The following LINGO2 variants were observed in gnomAD, a reference collection of about 807,000 sequenced individuals.
LINGO2 encodes leucine rich repeat and Ig domain containing 2.
In LINGO2, 14 loss-of-function variants were observed where a neutral mutation model predicts 30.6. The ratio of observed to expected loss-of-function variants is 0.46; its 90% CI spans 0.30 to 0.72. The LOEUF is 0.72. Ranked by LOEUF, LINGO2 falls within the 30% of genes least tolerant of loss-of-function variation. The pLI is 0.07. For missense variants in LINGO2, 729 were observed against 751.7 expected, an observed-to-expected ratio of 0.97 and a Z score of 0.35; for synonymous variants, 317 against 288.5, an observed-to-expected ratio of 1.10 and a Z score of -1.00.
chr9:28,306,760 C>A (rs533923947), intron 3 of LINGO2, among the ~76,000 whole-genome samples: 2 of 152,072 alleles, frequency 1.3e-5, no homozygotes, highest in African/African-American at 4.8e-5. Context: ...ACCACTGATC[C>A]CACAGAAATA....
At chr9:28,722,353 A>G in the LINGO2 span, among the ~76,000 whole-genome samples, 1 of 152,062 alleles carries the variant, frequency 6.6e-6, no homozygotes, top group African/African-American at 2.4e-5. Context: ...CCTGAGAAGG[A>G]CTTTCAACTA....
At chr9:28,545,300 G>T (rs938647748) in intron 1 of LINGO2, among the ~76,000 whole-genome samples, 4 of 152,034 alleles carry the variant, frequency 2.6e-5, no homozygotes, top group African/African-American at 9.7e-5. Flanking sequence ...CCAGTCAGGA[G>T]ACCTAAATAT....
At chr9:29,003,964 A>C in the LINGO2 span, among the ~76,000 whole-genome samples, 87 of 152,114 alleles carry the variant, frequency 5.7e-4, no homozygotes, top group African/African-American at 2.0e-3. Context: ...CAAAATCTAA[A>C]TTGACTCTAT....
At chr9:28,239,203 C>G (rs1821688923) in intron 4 of LINGO2, among the ~76,000 whole-genome samples, 1 of 151,918 alleles carries the variant, frequency 6.6e-6, no homozygotes, top group South Asian at 2.1e-4. Flanking sequence ...CTGAATTCTA[C>G]CAATCATTTC....
the LINGO2 span, among the ~76,000 whole-genome samples, chr9:28,843,340 C>A: frequency 6.6e-6 from 1 of 151,596 alleles, no homozygotes; most frequent in Non-Finnish European, 1.5e-5. Flanking sequence ...ATTCTGACCT[C>A]ATATATGTGG....
chr9:28,185,941 A>G (rs150351055), intron 4 of LINGO2, among the ~76,000 whole-genome samples: 24 of 152,270 alleles, frequency 1.6e-4, no homozygotes, highest in Non-Finnish European at 2.8e-4. Context: ...AGGAAGCATA[A>G]GTTTTCATCA....
At chr9:28,020,253 C>G (rs1356620445) in intron 4 of LINGO2, among the ~76,000 whole-genome samples, 1 of 152,108 alleles carries the variant, frequency 6.6e-6, no homozygotes, top group Non-Finnish European at 1.5e-5. Flanking sequence ...TAGGGTCATG[C>G]TGGGCTTATA....
At chr9:28,416,161 T>C (rs182211062) in intron 2 of LINGO2, among the ~76,000 whole-genome samples, 16 of 152,278 alleles carry the variant, frequency 1.1e-4, no homozygotes, top group African/African-American at 3.4e-4. Flanking sequence ...ATAGCAGATA[T>C]GTAAACAATC....
At chr9:28,705,507 A>G in the LINGO2 span, among the ~76,000 whole-genome samples, 1 of 152,052 alleles carries the variant, frequency 6.6e-6, no homozygotes, top group African/African-American at 2.4e-5. Flanking sequence ...TAAAACCCCA[A>G]TATATAAGGC....
chr9:28,557,704 T>G (rs1822803309), intron 1 of LINGO2, among the ~76,000 whole-genome samples: 1 of 151,420 alleles, frequency 6.6e-6, no homozygotes, highest in African/African-American at 2.4e-5. Flanking sequence ...ACATGTATGT[T>G]TATTGCGGCA....
At chr9:28,694,950 CTG>C in the LINGO2 span, among the ~76,000 whole-genome samples, 8 of 140,772 alleles carry the variant, frequency 5.7e-5, no homozygotes, top group Admixed American at 1.4e-4. Flanking sequence ...ATTATCCTGA[CTG>C]TTTTTTTTTT....
chr9:29,098,949 C>G, the LINGO2 span, among the ~76,000 whole-genome samples: 1 of 152,110 alleles, frequency 6.6e-6, no homozygotes, highest in Non-Finnish European at 1.5e-5. Flanking sequence ...AAGAACGAAA[C>G]TGGATGCATC....
At chr9:28,773,296 CAG>C in the LINGO2 span, among the ~76,000 whole-genome samples, 1 of 148,572 alleles carries the variant, frequency 6.7e-6, no homozygotes, top group African/African-American at 2.5e-5. Context: ...ACCCAGGAGG[CAG>C]AGTTTGCAGT....
At chr9:27,978,094 G>T (rs1820689311) in intron 5 of LINGO2, among the ~76,000 whole-genome samples, 2 of 152,020 alleles carry the variant, frequency 1.3e-5, no homozygotes, top group Non-Finnish European at 2.9e-5. Flanking sequence ...TGCTTATACT[G>T]TGTGGGTTCT....
At chr9:28,648,917 G>A (rs1332599763) in intron 1 of LINGO2, among the ~76,000 whole-genome samples, 1 of 152,032 alleles carries the variant, frequency 6.6e-6, no homozygotes, top group South Asian at 2.1e-4. Context: ...TATAGAAATG[G>A]TAGGGGGCGG....
At chr9:28,278,123 C>A (rs1823194339) in intron 4 of LINGO2, among the ~76,000 whole-genome samples, 2 of 152,236 alleles carry the variant, frequency 1.3e-5, no homozygotes, top group African/African-American at 2.4e-5. Context: ...TAATCCAGAG[C>A]AAGACCCTGA....
At chr9:28,350,377 G>A (rs370490180) in intron 3 of LINGO2, among the ~76,000 whole-genome samples, 1 of 147,612 alleles carries the variant, frequency 6.8e-6, no homozygotes, top group African/African-American at 2.5e-5. Flanking sequence ...AGACTTTAAA[G>A]CAACAAAGAT....
chr9:28,495,940 T>C (rs1819606180), intron 1 of LINGO2, among the ~76,000 whole-genome samples: 2 of 152,124 alleles, frequency 1.3e-5, no homozygotes, highest in Admixed American at 6.6e-5. Context: ...CAGGAGCAGG[T>C]TGTTCAGTTT....
chr9:28,255,441 G>A (rs1167396801), intron 4 of LINGO2, among the ~76,000 whole-genome samples: 1 of 152,018 alleles, frequency 6.6e-6, no homozygotes, highest in African/African-American at 2.4e-5. Flanking sequence ...CTATTTATTA[G>A]CTGAATATCC....
Sources: allele counts gnomAD v4.1 joint callset (sites outside exome capture counted in the v4.1 genomes callset), GRCh38; gene constraint gnomAD v4.1.1; transcripts MANE v1.5; gene names NCBI Gene and HGNC (gene_info 2026-07-23, HGNC 2026-07-21).